Variants in ZNF131 observed in about 807,000 individuals in gnomAD.
The protein encoded by ZNF131 is zinc finger protein 131.
A neutral mutation model predicts 60.0 loss-of-function variants in ZNF131; 7 were observed. That is an observed-to-expected ratio of 0.12 (90% CI 0.07 to 0.22). The LOEUF (loss-of-function observed/expected upper bound fraction) is 0.22, where lower values mean the gene tolerates loss of function less well. Among genes scored for constraint, ZNF131 ranks in the 10% least tolerant of loss-of-function variants. ZNF131 has a pLI of 1.00. For synonymous variants in ZNF131, 257 were observed against 253.2 expected, an observed-to-expected ratio of 1.01 and a Z score of -0.14; for missense variants, 493 against 740.9, an observed-to-expected ratio of 0.67 and a Z score of 3.88.
chr5:43,134,675 A>G (rs1302871442), intron 3 of ZNF131, among the ~76,000 whole-genome samples: 2 of 146,700 alleles, frequency 1.4e-5, no homozygotes, highest in Non-Finnish European at 3.0e-5. Flanking sequence ...TACAAAAGTC[A>G]GTTGCTTTTC....
intron 5 of ZNF131, among the ~76,000 whole-genome samples, chr5:43,165,657 G>A (rs765485816): frequency 6.6e-5 from 10 of 152,198 alleles, no homozygotes; most frequent in Non-Finnish European, 1.3e-4. Flanking sequence ...TGTAGCCCAG[G>A]CAGAGTACAT....
intron 3 of ZNF131, among the ~76,000 whole-genome samples, chr5:43,126,357 T>TA (rs1457981806): frequency 6.6e-6 from 1 of 152,198 alleles, no homozygotes; most frequent in East Asian, 1.9e-4. Flanking sequence ...AGTTTGAACT[T>TA]ACTTTTCAAA....
intron 2 of ZNF131, 34 bp downstream of exon 2, chr5:43,122,211 T>C: frequency 6.3e-7 from 1 of 1,582,712 alleles, no homozygotes; most frequent in South Asian, 1.2e-5. Flanking sequence ...AGCGAATTTT[T>C]GGCTTCAGTT....
At chr5:43,141,543 G>A (rs149122257) in intron 4 of ZNF131, among the ~76,000 whole-genome samples, 1,901 of 152,078 alleles carry the variant, frequency 0.013, 29 homozygotes, top group South Asian at 0.067. Context: ...CAAGGTGGGT[G>A]GATTACTTGG....
intron 3 of ZNF131, chr5:43,124,393 C>G (rs1744248831): frequency 6.6e-6 from 1 of 151,368 alleles, no homozygotes; most frequent in African/African-American, 2.4e-5. Context: ...ATTCTTTGTT[C>G]TGAATGGGTT....
intron 4 of ZNF131, among the ~76,000 whole-genome samples, chr5:43,153,825 G>A (rs1004416087): frequency 6.6e-6 from 1 of 152,204 alleles, no homozygotes; most frequent in African/African-American, 2.4e-5. Flanking sequence ...TGGACAAAGA[G>A]GAGGTGAGGG....
chr5:43,122,408 C>T (rs1473567656), intron 2 of ZNF131, among the ~76,000 whole-genome samples: 3 of 152,204 alleles, frequency 2.0e-5, no homozygotes, highest in African/African-American at 7.2e-5. Flanking sequence ...GTCTGGTGTT[C>T]ATCTCATTTT....
rs749695473 is a variant in ZNF131, at chr5:43,139,265, A to G, written c.327A>G (p.Ala109=). 8.7e-6 allele frequency: 14 copies of G among 1,613,054 alleles called. No individual in the cohort carries two copies. The South Asian group carries it at 1.4e-4, about 16-fold the overall frequency. Reference sequence around the variant, plus strand: ...AAGCCAATGATGTATGGAAAGCAGCAGAGTTTCTACAAATGCTAGAAGCTA... The same window carrying G: ...AAGCCAATGATGTATGGAAAGCAGCGGAGTTTCTACAAATGCTAGAAGCTA... ...EEEANDVWKA[A]EFLQMLEAIK... is the part of the protein sequence containing the mutation. Residue 109 remains alanine, a synonymous_variant, in exon 4 of 7, where the codon GCA becomes GCG. Coordinates refer to ENST00000682664, the MANE Select transcript of ZNF131 (RefSeq NM_001330707.2).
chr5:43,152,195 GT>G, intron 4 of ZNF131, among the ~76,000 whole-genome samples: 1 of 152,140 alleles, frequency 6.6e-6, no homozygotes, highest in East Asian at 1.9e-4. Context: ...TGGAGACGGA[GT>G]TTCACCACGT....
chr5:43,159,105 A>G (rs760161330), intron 4 of ZNF131, among the ~76,000 whole-genome samples: 3 of 152,200 alleles, frequency 2.0e-5, no homozygotes, highest in African/African-American at 7.2e-5. Context: ...GTGAATGCAT[A>G]AGATTGATTT....
intron 3 of ZNF131, among the ~76,000 whole-genome samples, chr5:43,128,924 TA>T (rs1744946256): frequency 6.6e-6 from 1 of 151,884 alleles, no homozygotes; most frequent in African/African-American, 2.4e-5. Flanking sequence ...TATTTTTATT[TA>T]TTATTTATTA....
intron 5 of ZNF131, among the ~76,000 whole-genome samples, chr5:43,168,750 C>T (rs923350027): frequency 2.0e-5 from 3 of 152,124 alleles, no homozygotes; most frequent in Non-Finnish European, 2.9e-5. Flanking sequence ...ATCTTGGAGT[C>T]GTCCAAACCA....
At chr5:43,122,273 C>T (rs1443356082) in intron 2 of ZNF131, 96 bp downstream of exon 2, 1 of 1,244,266 alleles carries the variant, frequency 8.0e-7, no homozygotes, top group South Asian at 1.5e-5. Flanking sequence ...TTTTTTTAAC[C>T]CATCCTCTAT....
rs1294565001 is a variant in ZNF131, at chr5:43,175,938, G to C, written c.*805G>C. ...CCACTGAAGGGCCATTTTCAATTGG[G>C]AAAATTTATTTACATCTGTGGTAAA... On this transcript the variant is annotated 3_prime_UTR_variant, in exon 7 of 7. Transcript: ENST00000682664. 1 of 152,292 alleles carries C rather than the reference G, an allele frequency of 6.6e-6. No homozygotes were observed. Among genetic ancestry groups the C allele is most frequent in the East Asian group, 1.9e-4 (1 of 5,210 alleles). The allele number at this position is 152,292 out of a possible 1,614,324, so 9.4% of individuals were successfully genotyped here. A position where few individuals can be genotyped will look rare whatever the true frequency, so the allele number is the denominator to read the frequency against.
At position 43,174,675 on chromosome 5, in the gene ZNF131, A is replaced by G. The variant is rs1412134929; in HGVS notation, c.1414A>G (p.Ile472Val). 1.9e-6 allele frequency: 3 copies of G among 1,614,122 alleles called. No homozygotes were observed. The highest frequency in any genetic ancestry group is 2.5e-6 in the Non-Finnish European group (3 of 1,180,040). Residue 472 changes from isoleucine to valine, a missense_variant, in exon 7 of 7, where the codon ATA becomes GTA. Transcript: ENST00000682664. ...TGAACCTGTAACATCAATGACTATT[A>G]TAGAACAAGTTGGGAAGGTGCATGT... ...QTEPVTSMTI[I>V]EQVGKVHVLP... is the part of the protein sequence containing the mutation.
At chr5:43,128,403 TC>T (rs1744832508) in intron 3 of ZNF131, among the ~76,000 whole-genome samples, 1 of 152,100 alleles carries the variant, frequency 6.6e-6, no homozygotes, top group Non-Finnish European at 1.5e-5. Context: ...ACGCCTGTAA[TC>T]CCAGCACTTT....
chr5:43,148,439 G>A (rs1361655681), intron 4 of ZNF131, among the ~76,000 whole-genome samples: 1 of 152,240 alleles, frequency 6.6e-6, no homozygotes, highest in Non-Finnish European at 1.5e-5. Context: ...CTTATGCCCT[G>A]TCTTCACCAG....
chr5:43,126,859 C>G (rs1744620721), intron 3 of ZNF131, among the ~76,000 whole-genome samples: 1 of 152,076 alleles, frequency 6.6e-6, no homozygotes, highest in African/African-American at 2.4e-5. Context: ...ATCCACCCCT[C>G]CCCATTGTCC....
intron 3 of ZNF131, among the ~76,000 whole-genome samples, chr5:43,137,948 T>C (rs949506940): frequency 6.6e-6 from 1 of 152,260 alleles, no homozygotes; most frequent in Non-Finnish European, 1.5e-5. Context: ...GAGGACATTA[T>C]GCTAAGTGAA....
Sources: allele counts gnomAD v4.1 joint callset (sites outside exome capture counted in the v4.1 genomes callset), GRCh38; gene constraint gnomAD v4.1.1; transcripts MANE v1.5; gene names NCBI Gene and HGNC (gene_info 2026-07-23, HGNC 2026-07-21).